The following PPM1H variants were observed in gnomAD, a reference collection of about 807,000 sequenced individuals.
PPM1H encodes protein phosphatase, Mg2+/Mn2+ dependent 1H, also known as protein phosphatase 1H.
A neutral mutation model predicts 54.9 loss-of-function variants in PPM1H; 27 were observed. That is an observed-to-expected ratio of 0.49 (90% confidence interval 0.36 to 0.68). The LOEUF (loss-of-function observed/expected upper bound fraction) is 0.68. Among genes scored for constraint, PPM1H ranks in the 30% least tolerant of loss-of-function variants. PPM1H has a pLI of 0.00. For synonymous variants in PPM1H, 305 were observed against 270.8 expected, an observed-to-expected ratio of 1.13 and a Z score of -1.24; for missense variants, 596 against 667.8, an observed-to-expected ratio of 0.89 and a Z score of 1.19.
At chr12:62,697,778 A>G (rs566865324) in intron 6 of PPM1H, among the ~76,000 whole-genome samples, 2 of 152,338 alleles carry the variant, frequency 1.3e-5, no homozygotes, top group South Asian at 4.1e-4. Context: ...ATTTTTAAGA[A>G]CTAGCGCCCC....
intron 1 of PPM1H, among the ~76,000 whole-genome samples, chr12:62,833,940 T>A (rs965846471): frequency 8.5e-5 from 13 of 152,192 alleles, no homozygotes; most frequent in Admixed American, 2.0e-4. Flanking sequence ...TGCAATTACT[T>A]ATCTGAAAGT....
At chr12:62,851,100 G>A (rs1258375820) in intron 1 of PPM1H, among the ~76,000 whole-genome samples, 1 of 152,148 alleles carries the variant, frequency 6.6e-6, no homozygotes, top group Non-Finnish European at 1.5e-5. Context: ...AGGACTGTGA[G>A]CATTCTAAAC....
chr12:62,922,678 T>C (rs529231979), intron 1 of PPM1H, among the ~76,000 whole-genome samples: 96 of 152,298 alleles, frequency 6.3e-4, no homozygotes, highest in Non-Finnish European at 1.1e-3. Flanking sequence ...GGAAGCACTA[T>C]GGATTCATGT....
intron 2 of PPM1H, among the ~76,000 whole-genome samples, chr12:62,830,859 C>A (rs1158896661): frequency 6.6e-6 from 1 of 152,066 alleles, no homozygotes; most frequent in African/African-American, 2.4e-5. Flanking sequence ...ATTTCTTTTT[C>A]TTTTTCTCTT....
chr12:62,692,404 C>G (rs1023197861), intron 7 of PPM1H, among the ~76,000 whole-genome samples: 2 of 152,204 alleles, frequency 1.3e-5, no homozygotes, highest in African/African-American at 2.4e-5. Context: ...TCAAATCTTA[C>G]TGCTATAAAC....
At chr12:62,708,173 T>A (rs1214600943) in intron 6 of PPM1H, among the ~76,000 whole-genome samples, 1 of 152,206 alleles carries the variant, frequency 6.6e-6, no homozygotes, top group Non-Finnish European at 1.5e-5. Context: ...TGCTTTCAGC[T>A]CTCCAGCAAG....
intron 4 of PPM1H, among the ~76,000 whole-genome samples, chr12:62,772,306 T>C (rs2076583875): frequency 6.6e-6 from 1 of 152,184 alleles, no homozygotes; most frequent in Non-Finnish European, 1.5e-5. Flanking sequence ...TCTGCTAAGT[T>C]GTGTGGCTAG....
At chr12:62,869,361 T>C (rs1232666436) in intron 1 of PPM1H, among the ~76,000 whole-genome samples, 1 of 152,246 alleles carries the variant, frequency 6.6e-6, no homozygotes, top group African/African-American at 2.4e-5. Context: ...TTTACACATA[T>C]AAATTCACTT....
chr12:62,723,948 T>A (rs950959918), intron 5 of PPM1H, among the ~76,000 whole-genome samples: 10 of 151,938 alleles, frequency 6.6e-5, no homozygotes, highest in Non-Finnish European at 2.9e-5. Flanking sequence ...TTCCCCTTAC[T>A]CCTCCTCTAA....
intron 5 of PPM1H, among the ~76,000 whole-genome samples, chr12:62,723,661 A>G (rs575842206): frequency 6.6e-6 from 1 of 152,356 alleles, no homozygotes; most frequent in African/African-American, 2.4e-5. Flanking sequence ...CAGACCCCAG[A>G]ACTGTGATAA....
intron 1 of PPM1H, among the ~76,000 whole-genome samples, chr12:62,862,305 T>G (rs1184311629): frequency 6.6e-6 from 1 of 152,178 alleles, no homozygotes; most frequent in East Asian, 1.9e-4. Flanking sequence ...GTGAGAGTGA[T>G]TAGCTGGAAA....
At chr12:62,845,446 T>C (rs7977833) in intron 1 of PPM1H, among the ~76,000 whole-genome samples, 8,161 of 152,274 alleles carry the variant, frequency 0.054, 388 homozygotes, top group African/African-American at 0.13. Flanking sequence ...ACATGGAACA[T>C]AGTTTTAGAA....
chr12:62,699,270 C>T (rs552232957), intron 6 of PPM1H, among the ~76,000 whole-genome samples: 29 of 152,198 alleles, frequency 1.9e-4, no homozygotes, highest in Non-Finnish European at 3.5e-4. Context: ...GATCTTGGCT[C>T]ACTGCAACCT....
At chr12:62,759,619 C>T (rs1324250446) in intron 4 of PPM1H, among the ~76,000 whole-genome samples, 5 of 152,236 alleles carry the variant, frequency 3.3e-5, no homozygotes, top group Non-Finnish European at 7.3e-5. Context: ...AGGTGTCTGA[C>T]CACTCGGGGA....
chr12:62,896,746 C>T (rs1020270418), intron 1 of PPM1H, among the ~76,000 whole-genome samples: 8 of 152,266 alleles, frequency 5.3e-5, no homozygotes, highest in South Asian at 2.1e-4. Context: ...CATCCCATTA[C>T]CGGGTATATA....
chr12:62,672,239 A>G (rs1348272797), intron 8 of PPM1H, among the ~76,000 whole-genome samples: 1 of 152,212 alleles, frequency 6.6e-6, no homozygotes, highest in Admixed American at 6.5e-5. Context: ...ATGGCAGAAT[A>G]CTATTGCTTT....
At chr12:62,759,963 C>G (rs1293988696) in intron 4 of PPM1H, among the ~76,000 whole-genome samples, 1 of 152,170 alleles carries the variant, frequency 6.6e-6, no homozygotes, top group South Asian at 2.1e-4. Flanking sequence ...CTCTACCCTT[C>G]TCTTTAAACT....
rs1428900096 is a variant in PPM1H at position 62,920,839 on chromosome 12, TATA to T, written c.245+13650_245+13652del. ...CAACATTCACCTTTTCAAAAAGGCA[TATA>T]ATGACTATTAGTACACCATAGCAGA... On this transcript the variant is annotated intron_variant, in intron 1 of 9. Transcript: ENST00000228705. 2.0e-5 allele frequency among the ~76,000 whole-genome samples: 3 copies of T among 152,286 alleles called. No individual in the cohort carries two copies. The South Asian group carries it at 6.2e-4, about 32-fold the overall frequency.
intron 1 of PPM1H, among the ~76,000 whole-genome samples, chr12:62,916,114 T>A (rs1311169422): frequency 6.6e-6 from 1 of 152,212 alleles, no homozygotes; most frequent in Non-Finnish European, 1.5e-5. Flanking sequence ...ATGTCTCCCC[T>A]GCTAACTTGT....
Sources: gnomAD v4.1 joint callset for allele counts (sites outside exome capture counted in the v4.1 genomes callset) on GRCh38, gnomAD v4.1.1 for gene constraint, MANE v1.5 for transcripts, NCBI Gene and HGNC (gene_info 2026-07-23, HGNC 2026-07-21) for gene names.